RBMS3: variants seen among roughly 807,000 people sequenced by gnomAD.
RBMS3 encodes the protein RNA-binding motif, single-stranded-interacting protein 3.
A neutral mutation model predicts 66.8 loss-of-function variants in RBMS3; 27 were observed. The ratio of observed to expected loss-of-function variants is 0.40; its 90% CI spans 0.30 to 0.56. The LOEUF is 0.56. RBMS3 is among the 20% of genes least tolerant of loss of function. The pLI is 0.40. For missense variants in RBMS3, 513 were observed against 549.5 expected, an observed-to-expected ratio of 0.93 and a Z score of 0.66; for synonymous variants, 188 against 183.0, an observed-to-expected ratio of 1.03 and a Z score of -0.22.
At chr3:29,758,196 T>C (rs2055509931) in intron 5 of RBMS3, among the ~76,000 whole-genome samples, 1 of 152,122 alleles carries the variant, frequency 6.6e-6, no homozygotes, top group Admixed American at 6.6e-5. Context: ...GCAGGACCCA[T>C]CCTACTCTTG....
At chr3:29,337,898 G>C (rs2036045284) in intron 1 of RBMS3, among the ~76,000 whole-genome samples, 2 of 152,098 alleles carry the variant, frequency 1.3e-5, no homozygotes, top group Admixed American at 1.3e-4. Flanking sequence ...ATGATTTCTG[G>C]TAATTATAAT....
chr3:29,562,733 T>C (rs575907326), intron 3 of RBMS3, among the ~76,000 whole-genome samples: 2 of 152,288 alleles, frequency 1.3e-5, no homozygotes, highest in South Asian at 4.1e-4. Context: ...TCTCCATAGA[T>C]TGCTCCTTGT....
At chr3:29,649,650 C>G (rs2050071366) in intron 4 of RBMS3, among the ~76,000 whole-genome samples, 1 of 151,886 alleles carries the variant, frequency 6.6e-6, no homozygotes, top group Admixed American at 6.6e-5. Context: ...TCAGAGGTTC[C>G]CAATCTGAAA....
intron 1 of RBMS3, among the ~76,000 whole-genome samples, chr3:29,314,203 G>GTATCC (rs1316332448): frequency 1.3e-5 from 2 of 151,696 alleles, no homozygotes; most frequent in Non-Finnish European, 2.9e-5. Context: ...CCATGATACT[G>GTATCC]TATCCTACAA....
chr3:29,884,632 G>A (rs1200358233), intron 8 of RBMS3, among the ~76,000 whole-genome samples: 2 of 151,666 alleles, frequency 1.3e-5, no homozygotes, highest in Non-Finnish European at 2.9e-5. Flanking sequence ...TGGTAATGGA[G>A]GAAAGTCAAG....
intron 3 of RBMS3, among the ~76,000 whole-genome samples, chr3:29,504,410 A>G (rs2044101218): frequency 6.6e-6 from 1 of 152,142 alleles, no homozygotes; most frequent in Non-Finnish European, 1.5e-5. Flanking sequence ...AAAATAATTT[A>G]AGAGGCAGTG....
chr3:29,377,801 T>C (rs962826317), intron 1 of RBMS3, among the ~76,000 whole-genome samples: 4 of 152,230 alleles, frequency 2.6e-5, no homozygotes, highest in African/African-American at 9.6e-5. Context: ...ATACTGGGTT[T>C]GGTGCTCATT....
intron 2 of RBMS3, among the ~76,000 whole-genome samples, chr3:29,451,174 A>G (rs1265945004): frequency 6.6e-6 from 1 of 152,226 alleles, no homozygotes; most frequent in Admixed American, 6.5e-5. Context: ...CTCCTAGGAC[A>G]GAGGGAAAGA....
chr3:29,661,291 C>T (rs925735576), intron 4 of RBMS3, among the ~76,000 whole-genome samples: 7 of 152,162 alleles, frequency 4.6e-5, no homozygotes, highest in Admixed American at 4.6e-4. Flanking sequence ...TCCACCTTCC[C>T]AGAATCCCCT....
chr3:29,348,713 G>T (rs1326124737), intron 1 of RBMS3, among the ~76,000 whole-genome samples: 2 of 152,106 alleles, frequency 1.3e-5, no homozygotes, highest in Non-Finnish European at 2.9e-5. Flanking sequence ...TAAACTCCCT[G>T]AGCTCCAATT....
intron 2 of RBMS3, among the ~76,000 whole-genome samples, chr3:29,440,093 T>C (rs1269081804): frequency 6.6e-6 from 1 of 152,166 alleles, no homozygotes; most frequent in Non-Finnish European, 1.5e-5. Context: ...TTCCAAGAAA[T>C]TGGTAACTTC....
chr3:29,914,519 G>A (rs761288293), intron 10 of RBMS3, among the ~76,000 whole-genome samples: 50 of 151,692 alleles, frequency 3.3e-4, no homozygotes, highest in Non-Finnish European at 6.5e-4. Flanking sequence ...TTGTGCATAC[G>A]CTGAGGTTAC....
intron 6 of RBMS3, among the ~76,000 whole-genome samples, chr3:29,814,738 A>C (rs2057831167): frequency 6.6e-6 from 1 of 152,188 alleles, no homozygotes; most frequent in Admixed American, 6.5e-5. Context: ...GAATTTATCC[A>C]CGTGCACATT....
intron 6 of RBMS3, among the ~76,000 whole-genome samples, chr3:29,789,784 G>A (rs1289046062): frequency 6.6e-6 from 1 of 151,912 alleles, no homozygotes; most frequent in African/African-American, 2.4e-5. Context: ...TTTATGATTT[G>A]TGCATCCTTA....
At position 29,675,004 on chromosome 3, in the gene RBMS3, T is replaced by G. The variant is rs561570403; in HGVS notation, c.400-64716T>G. Among the ~76,000 whole-genome samples the G allele has an allele frequency of 3.3e-5, 5 of 152,290 alleles. No homozygotes were observed. The East Asian group carries it at 9.7e-4, about 29-fold the overall frequency. On this transcript the variant is annotated intron_variant, in intron 4 of 14. Coordinates refer to ENST00000383767, the MANE Select transcript of RBMS3 (RefSeq NM_001003793.3). ...CATCACGCTACCTGACTTCAAACTATACTACAAGGCTACAGTAACAAAAAC... is the reference window on the plus strand; with the variant it reads ...CATCACGCTACCTGACTTCAAACTAGACTACAAGGCTACAGTAACAAAAAC...
At chr3:29,589,799 A>G (rs2047663499) in intron 4 of RBMS3, among the ~76,000 whole-genome samples, 1 of 152,092 alleles carries the variant, frequency 6.6e-6, no homozygotes, top group Admixed American at 6.6e-5. Flanking sequence ...GTTCTTATCA[A>G]TATCCTACTA....
At chr3:29,440,669 T>A (rs2041585021) in intron 2 of RBMS3, among the ~76,000 whole-genome samples, 1 of 152,228 alleles carries the variant, frequency 6.6e-6, no homozygotes. Context: ...TAGAAGTGTT[T>A]GCGCTGGAGA....
intron 1 of RBMS3, among the ~76,000 whole-genome samples, chr3:29,368,651 A>G (rs565826252): frequency 1.5e-3 from 217 of 147,782 alleles, no homozygotes; most frequent in African/African-American, 5.3e-3. Flanking sequence ...GACAGTCTCA[A>G]TTTGTATTAG....
At chr3:29,988,334 A>AAAATAT in intron 13 of RBMS3, 111 bp downstream of exon 13, 1 of 788,556 alleles carries the variant, frequency 1.3e-6, no homozygotes, top group Non-Finnish European at 2.0e-6. Context: ...GTGCTACTCT[A>AAAATAT]AAATATGACA....
Sources: allele counts gnomAD v4.1 joint callset (sites outside exome capture counted in the v4.1 genomes callset), GRCh38; gene constraint gnomAD v4.1.1; transcripts MANE v1.5; gene names NCBI Gene and HGNC (gene_info 2026-07-23, HGNC 2026-07-21).